Variants in ELMOD1 observed in about 807,000 individuals in gnomAD.
ELMOD1 encodes ELMO domain-containing protein 1.
ELMOD1 carries 21 observed loss-of-function variants against 46.7 expected under a neutral mutation model. That is an observed-to-expected ratio of 0.45 (90% confidence interval 0.32 to 0.65). ELMOD1 has a LOEUF of 0.65. Ranked by LOEUF, ELMOD1 falls within the 30% of genes least tolerant of loss-of-function variation. The pLI is 0.04. For synonymous variants in ELMOD1, 122 were observed against 138.2 expected (o/e 0.88, Z 0.82); for missense variants, 348 against 407.8 (o/e 0.85, Z 1.26).
At position 107,615,455 on chromosome 11, in the gene ELMOD1, G is replaced by A. The variant is rs888758817; in HGVS notation, c.-85-2650G>A. ...TCACCATGTTGGCCAGGATGGTCTC[G>A]ATCTCCTCACCTCGTGATCCACCCA... is the stretch of plus-strand genomic sequence containing the variant. On this transcript the variant is annotated intron_variant, in intron 1 of 11. Transcript: ENST00000265840. Among the ~76,000 whole-genome samples the A allele has an allele frequency of 1.3e-4, 19 of 151,746 alleles. 1 individual carries two copies. The highest frequency in any genetic ancestry group is 9.8e-4 in the Admixed American group (15 of 15,244).
At chr11:107,614,687 A>G (rs1009651853) in intron 1 of ELMOD1, among the ~76,000 whole-genome samples, 2 of 152,202 alleles carry the variant, frequency 1.3e-5, no homozygotes, top group Non-Finnish European at 2.9e-5. Context: ...TCTCAGCTGG[A>G]AAGCTTTCAA....
At chr11:107,648,089 A>G (rs1258785382) in intron 7 of ELMOD1, among the ~76,000 whole-genome samples, 4 of 152,182 alleles carry the variant, frequency 2.6e-5, no homozygotes, top group Non-Finnish European at 4.4e-5. Flanking sequence ...CACAATTAAC[A>G]ATGATTCCTT....
chr11:107,616,338 G>T (rs2135671853), intron 1 of ELMOD1, among the ~76,000 whole-genome samples: 1 of 151,728 alleles, frequency 6.6e-6, no homozygotes, highest in Non-Finnish European at 1.5e-5. Flanking sequence ...ACTGTACTCA[G>T]AAAGTCATAT....
At chr11:107,592,504 A>G (rs758583434) in intron 1 of ELMOD1, 2 of 523,008 alleles carry the variant, frequency 3.8e-6, no homozygotes, top group Admixed American at 3.9e-5. Flanking sequence ...GAAAGCAGGT[A>G]GTATGCTTGT....
At chr11:107,632,403 T>C (rs1337878204) in intron 5 of ELMOD1, among the ~76,000 whole-genome samples, 2 of 152,188 alleles carry the variant, frequency 1.3e-5, no homozygotes, top group Non-Finnish European at 2.9e-5. Context: ...GAACTTTAGA[T>C]GTTACCTTTG....
intron 4 of ELMOD1, among the ~76,000 whole-genome samples, chr11:107,631,253 C>A (rs981704771): frequency 4.0e-5 from 6 of 151,890 alleles, no homozygotes; most frequent in Non-Finnish European, 8.8e-5. Context: ...AAACATAATA[C>A]CCCTTAACAA....
At position 107,607,239 on chromosome 11, in the gene ELMOD1, C is replaced by T. The variant is rs973475685; in HGVS notation, c.-85-10866C>T. ...AGGGCCACATGTACATACTGTCAGA[C>T]CATTCAAGAGAGAAACTAAAATTTT... is the stretch of plus-strand genomic sequence containing the variant. On this transcript the variant is annotated intron_variant, in intron 1 of 11. Transcript: ENST00000265840. Among the ~76,000 whole-genome samples, 5 of 152,222 alleles carry T rather than the reference C, an allele frequency of 3.3e-5. No homozygotes were observed. In the East Asian group the frequency reaches 5.8e-4, roughly 18 times the overall value.
At chr11:107,633,494 G>A (rs918235903) in intron 5 of ELMOD1, among the ~76,000 whole-genome samples, 21 of 152,082 alleles carry the variant, frequency 1.4e-4, no homozygotes, top group African/African-American at 4.6e-4. Context: ...GTGCAATGGC[G>A]CAGTCTAGGC....
intron 6 of ELMOD1, among the ~76,000 whole-genome samples, chr11:107,642,474 T>A (rs924244138): frequency 1.3e-5 from 2 of 151,918 alleles, no homozygotes; most frequent in African/African-American, 4.8e-5. Flanking sequence ...GTTCAATCAA[T>A]TCTCTGCCTC....
chr11:107,602,568 T>C (rs1267431452), intron 1 of ELMOD1, among the ~76,000 whole-genome samples: 1 of 152,208 alleles, frequency 6.6e-6, no homozygotes, highest in African/African-American at 2.4e-5. Flanking sequence ...CAGACACTTT[T>C]ATAAAATTTC....
At chr11:107,656,433 A>T (rs1338932966) in intron 11 of ELMOD1, among the ~76,000 whole-genome samples, 1 of 147,246 alleles carries the variant, frequency 6.8e-6, no homozygotes, top group African/African-American at 2.5e-5. Context: ...TATATATAAA[A>T]ATACATGATA....
At chr11:107,598,511 G>T (rs1435596236) in intron 1 of ELMOD1, among the ~76,000 whole-genome samples, 2 of 152,184 alleles carry the variant, frequency 1.3e-5, no homozygotes, top group Non-Finnish European at 2.9e-5. Context: ...GGCACTCTTT[G>T]ATCAGTCAAG....
intron 1 of ELMOD1, among the ~76,000 whole-genome samples, chr11:107,599,843 C>T (rs991194992): frequency 6.7e-6 from 1 of 149,966 alleles, no homozygotes. Context: ...CCTAAGAGAA[C>T]TAAGTCAGTT....
At chr11:107,620,496 T>C (rs888491003) in intron 2 of ELMOD1, 1 of 152,244 alleles carries the variant, frequency 6.6e-6, no homozygotes, top group Non-Finnish European at 1.5e-5. Flanking sequence ...ATGTGTATTT[T>C]AAATTGAGGA....
At chr11:107,659,011 G>A (rs1219474373) in intron 11 of ELMOD1, among the ~76,000 whole-genome samples, 3 of 152,214 alleles carry the variant, frequency 2.0e-5, no homozygotes, top group African/African-American at 7.2e-5. Flanking sequence ...TTTCTCCAAA[G>A]CAAATGCCAC....
intron 9 of ELMOD1, chr11:107,653,767 A>G (rs953041888): frequency 6.6e-6 from 1 of 151,320 alleles, no homozygotes; most frequent in Non-Finnish European, 1.5e-5. Flanking sequence ...AATATTATTT[A>G]TTATATTATT....
intron 1 of ELMOD1, among the ~76,000 whole-genome samples, chr11:107,617,519 A>G (rs1357904135): frequency 6.6e-6 from 1 of 152,248 alleles, no homozygotes; most frequent in Non-Finnish European, 1.5e-5. Context: ...AAAGCAAATC[A>G]TAAACCAAAA....
At chr11:107,655,370 C>T (rs1366946255) in intron 10 of ELMOD1, among the ~76,000 whole-genome samples, 1 of 151,954 alleles carries the variant, frequency 6.6e-6, no homozygotes, top group Non-Finnish European at 1.5e-5. Context: ...AAAGCTTTGT[C>T]CACTTCGGAT....
intron 2 of ELMOD1, among the ~76,000 whole-genome samples, chr11:107,627,413 T>G (rs1866062122): frequency 6.6e-6 from 1 of 152,348 alleles, no homozygotes; most frequent in South Asian, 2.1e-4. Context: ...TAACACCTCC[T>G]GTGGATTTCT....
Sources: gnomAD v4.1 joint callset for allele counts (sites outside exome capture counted in the v4.1 genomes callset) on GRCh38, gnomAD v4.1.1 for gene constraint, MANE v1.5 for transcripts, NCBI Gene and HGNC (gene_info 2026-07-23, HGNC 2026-07-21) for gene names.